The following PARD3B variants were observed in gnomAD, a reference collection of about 807,000 sequenced individuals.
The protein encoded by PARD3B is partitioning defective 3 homolog B.
PARD3B carries 103 observed loss-of-function variants against 130.2 expected under a neutral mutation model. That is an observed-to-expected ratio of 0.79 (90% CI 0.67 to 0.93). PARD3B has a LOEUF of 0.93. Ranked by LOEUF, PARD3B falls within the 40% of genes least tolerant of loss-of-function variation. The probability of loss-of-function intolerance (pLI) is 0.00; values close to 1 mark genes in which losing one functional copy is unlikely to be tolerated. For missense variants in PARD3B, 1,609 were observed against 1,499.2 expected (o/e 1.07, Z -1.21); for synonymous variants, 583 against 553.2 (o/e 1.05, Z -0.76).
chr2:204,760,418 C>T (rs2040849519), intron 2 of PARD3B, among the ~76,000 whole-genome samples: 3 of 151,856 alleles, frequency 2.0e-5, no homozygotes, highest in African/African-American at 7.3e-5. Flanking sequence ...TTCATAAAGT[C>T]AGAAGAAATT....
chr2:204,794,710 T>C (rs2042311125), intron 2 of PARD3B, among the ~76,000 whole-genome samples: 1 of 152,228 alleles, frequency 6.6e-6, no homozygotes, highest in South Asian at 2.1e-4. Flanking sequence ...TATAAAATGT[T>C]TAATAATGAA....
rs34967992 is a variant in PARD3B at position 205,213,217 on chromosome 2, A to AT, written c.2140+19907dup. ...ATCTTGCCTTCTCTAGGGGACTGTC[A>AT]TTTTTTTTTTCCAGCTCCTTTTCTG... On this transcript the variant is annotated intron_variant, in intron 15 of 22. Transcript: ENST00000406610. Among the ~76,000 whole-genome samples the AT allele has an allele frequency of 1.2e-4, 18 of 149,948 alleles. No individual in the cohort carries two copies. The South Asian group carries it at 1.5e-3, about 12-fold the overall frequency.
intron 1 of PARD3B, among the ~76,000 whole-genome samples, chr2:204,548,186 C>G (rs13399965): frequency 1.3e-5 from 2 of 151,798 alleles, no homozygotes; most frequent in Non-Finnish European, 2.9e-5. Flanking sequence ...CAATAAATAC[C>G]CTAACAAATT....
At chr2:205,137,859 G>A (rs1350884109) in intron 10 of PARD3B, among the ~76,000 whole-genome samples, 1 of 152,162 alleles carries the variant, frequency 6.6e-6, no homozygotes, top group African/African-American at 2.4e-5. Flanking sequence ...AAGATGTAGG[G>A]CTCATAAGTC....
chr2:205,224,874 A>C (rs1290293037), intron 15 of PARD3B, among the ~76,000 whole-genome samples: 1 of 152,112 alleles, frequency 6.6e-6, no homozygotes, highest in Non-Finnish European at 1.5e-5. Flanking sequence ...CTGGCCATTC[A>C]AGCCAACATG....
Position 205,158,919 on chromosome 2 carries a change from T to C in PARD3B, c.1620+12T>C. ...GCGCTGCTTTTAAGGTGGGTAGGAA[T>C]GACATTTGTACATCCTTTGAGAAGG... On this transcript the variant is annotated intron_variant, in intron 11 of 22. Coordinates refer to ENST00000406610, the MANE Select transcript of PARD3B (RefSeq NM_001302769.2). The surrounding 1 kb of genome is among the most constrained non-coding windows in gnomAD (Gnocchi z 5.4). 2.5e-6 allele frequency: 4 copies of C among 1,612,728 alleles called. No homozygotes were observed. Among genetic ancestry groups the C allele is most frequent in the Non-Finnish European group, 3.4e-6 (4 of 1,179,582 alleles).
chr2:204,866,508 A>G (rs964603119), intron 2 of PARD3B, among the ~76,000 whole-genome samples: 4 of 152,110 alleles, frequency 2.6e-5, no homozygotes, highest in Non-Finnish European at 5.9e-5. Context: ...TTTATTCATT[A>G]AAAAAAGGTA....
intron 22 of PARD3B, among the ~76,000 whole-genome samples, chr2:205,610,443 A>G (rs2055190674): frequency 6.6e-6 from 1 of 152,192 alleles, no homozygotes; most frequent in African/African-American, 2.4e-5. Flanking sequence ...GTACCATCAT[A>G]AAAATAGTAG....
rs201127541 is a variant in PARD3B at position 205,057,607 on chromosome 2, G to A, written c.504+9917G>A. Among the ~76,000 whole-genome samples, 4 of 68,494 alleles carry A rather than the reference G, an allele frequency of 5.8e-5. No individual in the cohort carries two copies. The South Asian group carries it at 2.5e-3, about 43-fold the overall frequency. The allele number at this position is 68,494 out of a possible 152,430, so 44.9% of individuals were successfully genotyped here. ...TGTATACGTATATATACATATATGT[G>A]TATGTGTATGTGTATACGTATATAT... On this transcript the variant is annotated intron_variant, in intron 4 of 22. Transcript: ENST00000406610.
intron 15 of PARD3B, among the ~76,000 whole-genome samples, chr2:205,203,937 GCATGATTTATAATCCTTTGGGTATATAC>G (rs1450476228): frequency 6.6e-6 from 1 of 152,170 alleles, no homozygotes; most frequent in African/African-American, 2.4e-5. Flanking sequence ...CTTCAGAGTA[GCATGATTTATAATCCTTTGGGTATATAC>G]CCAGTAATGG....
intron 18 of PARD3B, among the ~76,000 whole-genome samples, chr2:205,314,055 T>C (rs1243649810): frequency 1.3e-5 from 2 of 152,218 alleles, no homozygotes; most frequent in Non-Finnish European, 2.9e-5. Flanking sequence ...ATTTGCCTAA[T>C]TTACATTGTT....
intron 1 of PARD3B, among the ~76,000 whole-genome samples, chr2:204,637,767 G>A (rs1387635933): frequency 6.8e-6 from 1 of 147,674 alleles, no homozygotes; most frequent in Non-Finnish European, 1.5e-5. Context: ...TGACCTCAAT[G>A]TTCATTTCTT....
chr2:205,217,406 G>A (rs1046342590), intron 15 of PARD3B, among the ~76,000 whole-genome samples: 4 of 152,196 alleles, frequency 2.6e-5, no homozygotes, highest in African/African-American at 2.4e-5. Context: ...TGATAAGAGA[G>A]CAATGTCCTG....
chr2:205,018,246 C>CT (rs2125325135), intron 3 of PARD3B, among the ~76,000 whole-genome samples: 1 of 152,198 alleles, frequency 6.6e-6, no homozygotes, highest in South Asian at 2.1e-4. Context: ...ACTTTAATGC[C>CT]TTTAAGGCAT....
chr2:204,549,999 C>A (rs1218334773), intron 1 of PARD3B, among the ~76,000 whole-genome samples: 1 of 151,578 alleles, frequency 6.6e-6, no homozygotes, highest in Admixed American at 6.6e-5. Flanking sequence ...ATTAGGAATA[C>A]TCCTACTCCT....
chr2:204,996,417 T>A (rs967296130), intron 3 of PARD3B, among the ~76,000 whole-genome samples: 2 of 152,194 alleles, frequency 1.3e-5, no homozygotes, highest in African/African-American at 2.4e-5. Flanking sequence ...AGGGACCCAC[T>A]TGAGGAGGCA....
intron 2 of PARD3B, among the ~76,000 whole-genome samples, chr2:204,888,258 G>A (rs2046328223): frequency 1.3e-5 from 2 of 152,168 alleles, no homozygotes; most frequent in South Asian, 4.1e-4. Flanking sequence ...GGCTTGAAGT[G>A]TTCCCAACAG....
chr2:205,019,397 A>G (rs1240552193), intron 3 of PARD3B, among the ~76,000 whole-genome samples: 2 of 152,158 alleles, frequency 1.3e-5, no homozygotes, highest in South Asian at 2.1e-4. Flanking sequence ...GTTGATGGAC[A>G]CTTGTTGTGA....
At chr2:204,604,353 A>G (rs905865276) in intron 1 of PARD3B, among the ~76,000 whole-genome samples, 3 of 152,184 alleles carry the variant, frequency 2.0e-5, no homozygotes, top group Non-Finnish European at 4.4e-5. Flanking sequence ...TTAGCTCAGT[A>G]AGAAAATACA....
Sources: gnomAD v4.1 joint callset for allele counts (sites outside exome capture counted in the v4.1 genomes callset) on GRCh38, gnomAD v4.1.1 for gene constraint, Gnocchi (gnomAD v3.1) non-coding constraint, MANE v1.5 for transcripts, NCBI Gene and HGNC (gene_info 2026-07-23, HGNC 2026-07-21) for gene names.